EFCAB6: variants seen among roughly 807,000 people sequenced by gnomAD.
EFCAB6 encodes the protein EF-hand calcium-binding domain-containing protein 6.
Under a neutral mutation model 169.8 loss-of-function variants are expected in EFCAB6, and 156 were observed. The ratio of observed to expected loss-of-function variants is 0.92; its 90% CI spans 0.81 to 1.05. The LOEUF (loss-of-function observed/expected upper bound fraction) is 1.05. Among genes scored for constraint, EFCAB6 ranks in the 50% least tolerant of loss-of-function variants. The pLI is 0.00. For synonymous variants in EFCAB6, 698 were observed against 676.4 expected (o/e 1.03, Z -0.50); for missense variants, 1,800 against 1,829.1 (o/e 0.98, Z 0.29).
intron 27 of EFCAB6, among the ~76,000 whole-genome samples, chr22:43,550,856 A>G (rs1443048605): frequency 3.9e-5 from 6 of 151,936 alleles, no homozygotes; most frequent in Non-Finnish European, 1.5e-5. Flanking sequence ...CTTTTATCAC[A>G]CGCTTTCTGC....
chr22:43,671,848 A>G, intron 15 of EFCAB6, 125 bp downstream of exon 15: 1 of 1,139,598 alleles, frequency 8.8e-7, no homozygotes, highest in African/African-American at 1.6e-5. Context: ...GCAAGGATTC[A>G]GCAAATAGCA....
chr22:43,625,145 T>C (rs1337420113), intron 20 of EFCAB6, among the ~76,000 whole-genome samples: 1 of 152,106 alleles, frequency 6.6e-6, no homozygotes, highest in Non-Finnish European at 1.5e-5. Flanking sequence ...AAAATCAGCG[T>C]GTAAGATCAG....
At chr22:43,681,833 G>C (rs773267982) in intron 12 of EFCAB6, among the ~76,000 whole-genome samples, 26 of 152,110 alleles carry the variant, frequency 1.7e-4, no homozygotes, top group Non-Finnish European at 3.5e-4. Flanking sequence ...AAAAAGGCAG[G>C]ATGCAAATTC....
intron 24 of EFCAB6, among the ~76,000 whole-genome samples, chr22:43,588,301 A>G (rs1194717157): frequency 6.6e-6 from 1 of 152,260 alleles, no homozygotes; most frequent in Admixed American, 6.5e-5. Flanking sequence ...AGTTTTAAAA[A>G]GCAACACTGA....
chr22:43,626,394 C>T (rs2054522154), intron 20 of EFCAB6, 53 bp downstream of exon 20: 3 of 1,548,690 alleles, frequency 1.9e-6, no homozygotes, highest in Non-Finnish European at 2.7e-6. Context: ...CTGGACGTCA[C>T]AGTGGCACGG....
chr22:43,681,137 C>G (rs1409107894), intron 12 of EFCAB6, among the ~76,000 whole-genome samples: 1 of 152,150 alleles, frequency 6.6e-6, no homozygotes, highest in Non-Finnish European at 1.5e-5. Context: ...TATTTCTCTT[C>G]TGTTCTAATT....
At position 43,795,597 on chromosome 22, in the gene EFCAB6, T is replaced by G. The variant is rs1251855220; in HGVS notation, c.-7-13272A>C. 1.3e-5 allele frequency among the ~76,000 whole-genome samples: 2 copies of G among 152,012 alleles called. No individual in the cohort carries two copies. Among genetic ancestry groups the G allele is most frequent in the Non-Finnish European group, 2.9e-5 (2 of 68,014 alleles). On this transcript the variant is annotated intron_variant, in intron 2 of 31. Transcript: ENST00000262726. The surrounding 1 kb of genome is among the most constrained non-coding windows in gnomAD (Gnocchi z 4.2). ...CACCCTGCATCTTCCTTGCAGAGTC[T>G]CTCACACAGCCTGCACTTCTCCGGC... is the stretch of plus-strand genomic sequence containing the variant.
At chr22:43,575,548 G>A (rs1347522831) in intron 26 of EFCAB6, among the ~76,000 whole-genome samples, 3 of 151,686 alleles carry the variant, frequency 2.0e-5, no homozygotes, top group African/African-American at 7.3e-5. Context: ...ATATTAACAT[G>A]GATAAATCTA....
chr22:43,570,437 G>C (rs182901704), intron 26 of EFCAB6, among the ~76,000 whole-genome samples: 3 of 152,218 alleles, frequency 2.0e-5, no homozygotes. Flanking sequence ...TGTTAAACAG[G>C]AACGATTTTC....
At chr22:43,626,769 C>T (rs933040096) in intron 19 of EFCAB6, 90 bp from the exon 20 acceptor site, 60 of 1,232,916 alleles carry the variant, frequency 4.9e-5, no homozygotes, top group East Asian at 1.2e-4. Context: ...CTCATCTCCA[C>T]GCGAGGAGGG....
chr22:43,613,199 ATTTG>A (rs1454202390), intron 21 of EFCAB6, among the ~76,000 whole-genome samples: 1 of 148,300 alleles, frequency 6.7e-6, no homozygotes, highest in Non-Finnish European at 1.5e-5. Context: ...ATATTAATAT[ATTTG>A]TTATAGAAAT....
intron 27 of EFCAB6, among the ~76,000 whole-genome samples, chr22:43,551,464 G>A (rs56690881): frequency 6.6e-6 from 1 of 152,174 alleles, no homozygotes; most frequent in Non-Finnish European, 1.5e-5. Context: ...TTCTTGATGA[G>A]GACTGTATTG....
chr22:43,681,126 G>A (rs1297913981), intron 12 of EFCAB6, among the ~76,000 whole-genome samples: 1 of 152,138 alleles, frequency 6.6e-6, no homozygotes, highest in African/African-American at 2.4e-5. Flanking sequence ...TCAGGTGAAG[G>A]TATTTCTCTT....
chr22:43,774,525 C>G (rs997638554), intron 3 of EFCAB6, among the ~76,000 whole-genome samples: 1 of 151,370 alleles, frequency 6.6e-6, no homozygotes, highest in South Asian at 2.1e-4. Flanking sequence ...GGGCCTGTGC[C>G]GGGGGCTGGG....
intron 27 of EFCAB6, among the ~76,000 whole-genome samples, chr22:43,544,353 C>A (rs947702075): frequency 1.3e-5 from 2 of 152,222 alleles, no homozygotes; most frequent in Admixed American, 1.3e-4. Context: ...ATCCAGGCCA[C>A]CCCTCCTCGT....
At position 43,540,238 on chromosome 22, in the gene EFCAB6, G is replaced by C. The variant is rs373894853; in HGVS notation, c.3768C>G (p.Ala1256=). 1.9e-6 allele frequency: 3 copies of C among 1,614,202 alleles called. No individual in the cohort carries two copies. The highest frequency in any genetic ancestry group is 2.7e-5 in the African/African-American group (2 of 75,048). ...AATPMATGDS[A]VAQRGSSVPD... is the part of the protein sequence containing the mutation. ...GGACACTGCTCCCTCTCTGGGCCAC[G>C]GCCGAGTCACCAGTGGCCATTGGTG... The change falls in exon 28 of 32, where the codon GCC becomes GCG. Residue 1256 remains alanine (A), a synonymous_variant. Transcript: ENST00000262726.
chr22:43,569,874 T>C (rs1269922809), intron 26 of EFCAB6, among the ~76,000 whole-genome samples: 1 of 152,236 alleles, frequency 6.6e-6, no homozygotes, highest in Non-Finnish European at 1.5e-5. Flanking sequence ...ATAACAGTAA[T>C]GCTAATATCT....
At chr22:43,678,855 A>T (rs2057887495) in intron 12 of EFCAB6, among the ~76,000 whole-genome samples, 1 of 152,226 alleles carries the variant, frequency 6.6e-6, no homozygotes, top group African/African-American at 2.4e-5. Context: ...TTAACGTGAC[A>T]AAAGGATTTA....
chr22:43,634,328 C>G (rs552380821), intron 18 of EFCAB6, among the ~76,000 whole-genome samples: 1 of 152,192 alleles, frequency 6.6e-6, no homozygotes, highest in Non-Finnish European at 1.5e-5. Context: ...AGTGTGGGAC[C>G]TCTCTAAGGG....
Sources: allele counts gnomAD v4.1 joint callset (sites outside exome capture counted in the v4.1 genomes callset), GRCh38; gene constraint gnomAD v4.1.1; non-coding constraint Gnocchi (gnomAD v3.1); transcripts MANE v1.5; gene names NCBI Gene and HGNC (gene_info 2026-07-23, HGNC 2026-07-21).